FGF9: variants seen among roughly 807,000 people sequenced by gnomAD.
FGF9 encodes the protein fibroblast growth factor 9, also known as fibroblast growth factor 9 (glia-activating factor).
In FGF9, 3 loss-of-function variants were observed where a neutral mutation model predicts 19.9. That is an observed-to-expected ratio of 0.15 (90% CI 0.07 to 0.39). The LOEUF (loss-of-function observed/expected upper bound fraction) is 0.39, where lower values mean the gene tolerates loss of function less well. Among genes scored for constraint, FGF9 ranks in the 10% least tolerant of loss-of-function variants. FGF9 has a pLI of 1.00. For synonymous variants in FGF9, 107 were observed against 106.9 expected (o/e 1.00, Z -0.01); for missense variants, 175 against 256.8 (o/e 0.68, Z 2.18).
rs373743543 is a variant in FGF9 at position 21,676,365 on chromosome 13, T to C, written c.277+4176T>C. On this transcript the variant is annotated intron_variant, in intron 1 of 2. Coordinates refer to ENST00000382353, the MANE Select transcript of FGF9 (RefSeq NM_002010.3). ...TGATAGTATGATTTTTTTAAACAGGTGTTTAAAACTTATTTCCAGGGTTTT... is the reference window on the plus strand; with the variant it reads ...TGATAGTATGATTTTTTTAAACAGGCGTTTAAAACTTATTTCCAGGGTTTT... Among the ~76,000 whole-genome samples, 8 of 152,284 alleles carry C rather than the reference T, an allele frequency of 5.3e-5. No individual in the cohort carries two copies. In the East Asian group the frequency reaches 1.2e-3, roughly 22 times the overall value.
chr13:21,675,467 C>A (rs1313908747), intron 1 of FGF9, among the ~76,000 whole-genome samples: 1 of 151,676 alleles, frequency 6.6e-6, no homozygotes, highest in Non-Finnish European at 1.5e-5. Flanking sequence ...GCGGCTCGCG[C>A]GGGGAGGGCG....
At position 21,691,621 on chromosome 13, in the gene FGF9, G is replaced by A. The variant is rs768787415; in HGVS notation, c.382-9569G>A. ...CATCAGCAGCCCCTCCGGGGCTGTCGTTCAGCGTCCTGGCCCGAGAGATGC... is the reference window on the plus strand; with the variant it reads ...CATCAGCAGCCCCTCCGGGGCTGTCATTCAGCGTCCTGGCCCGAGAGATGC... On this transcript the variant is annotated intron_variant, in intron 2 of 2. Transcript: ENST00000382353. This position sits in a 1 kb window ranked among gnomAD's most constrained non-coding sequence, Gnocchi z 4.2. 2.0e-5 allele frequency among the ~76,000 whole-genome samples: 3 copies of A among 152,216 alleles called. No homozygotes were observed. The highest frequency in any genetic ancestry group is 2.1e-4 in the South Asian group (1 of 4,832).
chr13:21,671,894 C>A lies in FGF9; in HGVS notation c.-19C>A, dbSNP rs1227227796. On this transcript the variant is annotated 5_prime_UTR_variant, in exon 1 of 3. Transcript: ENST00000382353. ...CATCATTATTGTTTATTCTTGTGCTCCAAAAGCCGAGTCCTCTGATGGCTC... is the reference window on the plus strand; with the variant it reads ...CATCATTATTGTTTATTCTTGTGCTACAAAAGCCGAGTCCTCTGATGGCTC... The A allele has an allele frequency of 6.2e-7, 1 of 1,614,038 alleles. No individual in the cohort carries two copies. The highest frequency in any genetic ancestry group is 1.1e-5 in the South Asian group (1 of 91,048).
chr13:21,691,898 G>A lies in FGF9; in HGVS notation c.382-9292G>A, dbSNP rs962225822. On this transcript the variant is annotated intron_variant, in intron 2 of 2. Coordinates refer to ENST00000382353, the MANE Select transcript of FGF9 (RefSeq NM_002010.3). The surrounding 1 kb of genome is among the most constrained non-coding windows in gnomAD (Gnocchi z 4.2). The stretch of plus-strand genomic sequence containing the variant: ...GGACTAAAAGGTTATGGTGCTAAGT[G>A]TGAGAGCCACACTCAGAGCTGTCTT... Among the ~76,000 whole-genome samples the A allele has an allele frequency of 1.2e-4, 18 of 152,242 alleles. No individual in the cohort carries two copies. Among genetic ancestry groups the A allele is most frequent in the African/African-American group, 4.3e-4 (18 of 41,546 alleles).
intron 1 of FGF9, among the ~76,000 whole-genome samples, chr13:21,676,787 G>A (rs1310966371): frequency 3.3e-5 from 5 of 152,238 alleles, no homozygotes; most frequent in Admixed American, 6.5e-5. Context: ...CATGTCATGA[G>A]GGCCAGAGTG....
Position 21,701,496 on chromosome 13 carries a change from T to C in FGF9, c.*61T>C. 6.2e-7 allele frequency: 1 copy of C among 1,611,786 alleles called. No homozygotes were observed. The highest frequency in any genetic ancestry group is 8.5e-7 in the Non-Finnish European group (1 of 1,178,454). ...TAACCACTATAAAGGTTTCACGCGGTGGGTTCTTATTGATTCGCTGTGTCA... is the reference window on the plus strand; with the variant it reads ...TAACCACTATAAAGGTTTCACGCGGCGGGTTCTTATTGATTCGCTGTGTCA... On this transcript the variant is annotated 3_prime_UTR_variant, in exon 3 of 3. Transcript: ENST00000382353.
At chr13:21,683,359 G>A (rs931851714) in intron 2 of FGF9, among the ~76,000 whole-genome samples, 2 of 152,264 alleles carry the variant, frequency 1.3e-5, no homozygotes, top group Admixed American at 6.5e-5. Context: ...GACATTGAGT[G>A]TAGACCCACG....
chr13:21,698,680 T>G (rs1454053308), intron 2 of FGF9, among the ~76,000 whole-genome samples: 1 of 152,188 alleles, frequency 6.6e-6, no homozygotes, highest in African/African-American at 2.4e-5. Flanking sequence ...GGGTGTGCTA[T>G]GTATGCAGAG....
intron 2 of FGF9, 191 bp downstream of exon 2, chr13:21,681,336 A>G (rs1200752203): frequency 3.8e-5 from 19 of 496,728 alleles, no homozygotes; most frequent in Non-Finnish European, 6.9e-5. Context: ...ACTAGACCAA[A>G]GTTGCTAAGA....
chr13:21,693,870 G>A (rs901543862), intron 2 of FGF9, among the ~76,000 whole-genome samples: 2 of 152,158 alleles, frequency 1.3e-5, no homozygotes, highest in Admixed American at 6.5e-5. Context: ...AAGCGTGAAC[G>A]CAGTCTGTGT....
At chr13:21,700,524 T>G (rs1872515652) in intron 2 of FGF9, among the ~76,000 whole-genome samples, 1 of 152,184 alleles carries the variant, frequency 6.6e-6, no homozygotes, top group Non-Finnish European at 1.5e-5. Context: ...AAACCACTCA[T>G]AGAGAGTAGT....
At chr13:21,687,754 C>T (rs1050039191) in intron 2 of FGF9, among the ~76,000 whole-genome samples, 10 of 152,192 alleles carry the variant, frequency 6.6e-5, no homozygotes, top group Non-Finnish European at 1.3e-4. Context: ...TTTCTTTTTC[C>T]TGTTGGTCCT....
intron 1 of FGF9, among the ~76,000 whole-genome samples, chr13:21,680,325 A>G (rs1309532023): frequency 2.0e-5 from 3 of 152,188 alleles, no homozygotes; most frequent in Non-Finnish European, 4.4e-5. Flanking sequence ...GGGCAGTTTT[A>G]GTTTTCTAGA....
rs1401903201 is a variant in FGF9 at position 21,671,835 on chromosome 13, G to C, written c.-78G>C. On this transcript the variant is annotated 5_prime_UTR_variant, in exon 1 of 3. Coordinates refer to ENST00000382353, the MANE Select transcript of FGF9 (RefSeq NM_002010.3). ...CAACTGCAGTAAGGGAGGGGAGTTG[G>C]ATATACCTCGCCTAATATCTCCTGG... 8 of 1,541,964 alleles carry C rather than the reference G, an allele frequency of 5.2e-6. No homozygotes were observed. The Admixed American group carries it at 1.3e-4, about 26-fold the overall frequency.
chr13:21,696,105 C>T (rs962774162), intron 2 of FGF9, among the ~76,000 whole-genome samples: 2 of 152,178 alleles, frequency 1.3e-5, no homozygotes, highest in African/African-American at 2.4e-5. Flanking sequence ...ATGTGGATTA[C>T]ACTTTTTCAA....
rs1872572207 is a variant in FGF9, at chr13:21,702,472, T to A, written c.*1037T>A. 6.6e-6 allele frequency: 1 copy of A among 152,214 alleles called. No individual in the cohort carries two copies. Among genetic ancestry groups the A allele is most frequent in the African/African-American group, 2.4e-5 (1 of 41,442 alleles). The allele number at this position is 152,214 out of a possible 1,614,324, so 9.4% of individuals were successfully genotyped here. On this transcript the variant is annotated 3_prime_UTR_variant, in exon 3 of 3. Transcript: ENST00000382353. ...TGGAAAATATGAGGGTTGATATATG[T>A]CTTACTTGTTTAAATCTGTCGCAGA...
chr13:21,698,648 C>A (rs1054449975), intron 2 of FGF9, among the ~76,000 whole-genome samples: 7 of 152,046 alleles, frequency 4.6e-5, no homozygotes, highest in African/African-American at 1.7e-4. Context: ...TGTTTCTGAT[C>A]CAAGAAAAAC....
chr13:21,702,953 A>G lies in FGF9; in HGVS notation c.*1518A>G, dbSNP rs17070758. 20 of 152,370 alleles carry G rather than the reference A, an allele frequency of 1.3e-4. No individual in the cohort carries two copies. The highest frequency in any genetic ancestry group is 4.8e-4 in the African/African-American group (20 of 41,594). 9.4% of individuals were successfully genotyped at this position (152,370 alleles called of 1,614,324 possible). ...TATTACTATATAGAATATCTTTTAC[A>G]AGGCTTTTATAACATTTTATGCTGA... On this transcript the variant is annotated 3_prime_UTR_variant, in exon 3 of 3. Transcript: ENST00000382353.
At position 21,671,963 on chromosome 13, in the gene FGF9, A is replaced by T; in HGVS notation, c.51A>T (p.Val17=). The change falls in exon 1 of 3, where the codon GTA becomes GTT. Residue 17 remains valine, a synonymous_variant. Coordinates refer to ENST00000382353, the MANE Select transcript of FGF9 (RefSeq NM_002010.3). ...VGNYFGVQDA[V]PFGNVPVLPV... ...ACTATTTCGGTGTGCAGGATGCGGT[A>T]CCGTTTGGGAATGTGCCCGTGTTGC... is the stretch of plus-strand genomic sequence containing the variant. 6.2e-7 allele frequency: 1 copy of T among 1,614,112 alleles called. No homozygotes were observed. The highest frequency in any genetic ancestry group is 8.5e-7 in the Non-Finnish European group (1 of 1,180,026).
Sources: gnomAD v4.1 joint callset for allele counts (sites outside exome capture counted in the v4.1 genomes callset) on GRCh38, gnomAD v4.1.1 for gene constraint, Gnocchi (gnomAD v3.1) non-coding constraint, MANE v1.5 for transcripts, NCBI Gene and HGNC (gene_info 2026-07-23, HGNC 2026-07-21) for gene names.